Variants in SIAE observed in about 807,000 individuals in gnomAD.
SIAE encodes the protein sialic acid acetylesterase, also known as sialate O-acetylesterase.
In SIAE, 39 loss-of-function variants were observed where a neutral mutation model predicts 52.6. The observed-to-expected ratio is 0.74, with a 90% CI of 0.57 to 0.97. The LOEUF (loss-of-function observed/expected upper bound fraction) is 0.97. Ranked by LOEUF, SIAE falls within the 50% of genes least tolerant of loss-of-function variation. The pLI, the probability that SIAE is intolerant of heterozygous loss-of-function variation, is 0.00. For missense variants in SIAE, 592 were observed against 662.1 expected (o/e 0.89, Z 1.16); for synonymous variants, 233 against 241.4 (o/e 0.97, Z 0.32).
chr11:124,654,520 G>A (rs943199522), intron 4 of SIAE, 135 bp downstream of exon 4: 68 of 1,589,226 alleles, frequency 4.3e-5, no homozygotes, highest in Non-Finnish European at 5.6e-5. Context: ...CAGGAAGGAT[G>A]AAGAGTCAAT....
At position 124,642,634 on chromosome 11, in the gene SIAE, A is replaced by G. The variant is rs554591027; in HGVS notation, c.967-2767T>C. On this transcript the variant is annotated intron_variant, in intron 7 of 9. Transcript: ENST00000263593. Reference sequence around the variant, plus strand: ...ACAGGGAGCCGCATCCTTATACAATACTCTCCTCTTTGTGGTAGGGGGAAC... The same window carrying G: ...ACAGGGAGCCGCATCCTTATACAATGCTCTCCTCTTTGTGGTAGGGGGAAC... Among the ~76,000 whole-genome samples, 138 of 152,164 alleles carry G rather than the reference A, an allele frequency of 9.1e-4. No homozygotes were observed. In the South Asian group the frequency reaches 9.3e-3, roughly 10 times the overall value.
intron 4 of SIAE, chr11:124,654,125 C>T (rs917922502): frequency 6.9e-6 from 5 of 729,782 alleles, no homozygotes; most frequent in Admixed American, 6.3e-5. Flanking sequence ...TGCAGGTGAG[C>T]CAAGATCACA....
At chr11:124,638,914 C>T (rs369198362) in intron 8 of SIAE, among the ~76,000 whole-genome samples, 177 bp from the exon 9 acceptor site, 148 of 152,192 alleles carry the variant, frequency 9.7e-4, no homozygotes, top group African/African-American at 3.5e-3. Context: ...ATAGATGGGG[C>T]TCTGGGCCTT....
chr11:124,647,150 C>T (rs1056580742), intron 7 of SIAE, among the ~76,000 whole-genome samples: 1 of 152,160 alleles, frequency 6.6e-6, no homozygotes, highest in African/African-American at 2.4e-5. Context: ...TACTTATCAA[C>T]TTTTTTTGAA....
intron 9 of SIAE, 128 bp from the exon 10 acceptor site, chr11:124,637,330 G>T: frequency 7.4e-7 from 1 of 1,351,272 alleles, no homozygotes. Context: ...TACTCCTACA[G>T]TAAGCAGAAC....
rs1436043758 is a variant in SIAE, at chr11:124,635,537, A to C, written c.*1414T>G. 1.3e-5 allele frequency: 2 copies of C among 152,230 alleles called. No individual in the cohort carries two copies. Among genetic ancestry groups the C allele is most frequent in the Non-Finnish European group, 2.9e-5 (2 of 68,036 alleles). The allele number at this position is 152,230 out of a possible 1,614,324, so 9.4% of individuals were successfully genotyped here. ...AAAAAGTTCCTAAATTGGGGGAAACATAGTGAATTCCACATAATGTTTTAA... is the reference window on the plus strand; with the variant it reads ...AAAAAGTTCCTAAATTGGGGGAAACCTAGTGAATTCCACATAATGTTTTAA... On this transcript the variant is annotated 3_prime_UTR_variant, in exon 10 of 10. Transcript: ENST00000263593.
At chr11:124,641,554 T>C (rs1942846621) in intron 7 of SIAE, among the ~76,000 whole-genome samples, 1 of 152,220 alleles carries the variant, frequency 6.6e-6, no homozygotes. Flanking sequence ...CAATTGCATG[T>C]TATATGACTT....
Position 124,639,738 on chromosome 11 carries a change from G to A in SIAE, c.1096C>T (p.Leu366Phe). 6.2e-7 allele frequency: 1 copy of A among 1,614,138 alleles called. No individual in the cohort carries two copies. The highest frequency in any genetic ancestry group is 8.5e-7 in the Non-Finnish European group (1 of 1,179,994). The change falls in exon 8 of 10, where the codon CTC becomes TTC. Residue 366 changes from leucine to phenylalanine, a missense_variant. Coordinates refer to ENST00000263593, the MANE Select transcript of SIAE (RefSeq NM_170601.5). Reference protein sequence around the residue: ...PNTFMAVAMDLCDRDSPFGSI... With the variant: ...PNTFMAVAMDFCDRDSPFGSI... ...CCAAAAGGCGAGTCTCTATCACAGA[G>A]ATCCATAGCTACAGCCATGAAAGTA... is the stretch of plus-strand genomic sequence containing the variant.
At chr11:124,668,731 G>A (rs929683270) in intron 2 of SIAE, among the ~76,000 whole-genome samples, 3 of 152,228 alleles carry the variant, frequency 2.0e-5, no homozygotes, top group Non-Finnish European at 2.9e-5. Context: ...CCTGAAAGCA[G>A]TGACTTCCAG....
At chr11:124,665,605 C>CGTGTT (rs1943261826) in intron 2 of SIAE, among the ~76,000 whole-genome samples, 2 of 152,106 alleles carry the variant, frequency 1.3e-5, no homozygotes, top group East Asian at 3.9e-4. Flanking sequence ...ATAGTAAAAG[C>CGTGTT]GTGTTGTTTT....
chr11:124,673,552 G>A, intron 1 of SIAE, 90 bp downstream of exon 1: 1 of 1,451,998 alleles, frequency 6.9e-7, no homozygotes, highest in Non-Finnish European at 9.5e-7. Flanking sequence ...CTTGAGAAAG[G>A]GGCGCGGATC....
chr11:124,663,902 A>C (rs11219750), intron 2 of SIAE, among the ~76,000 whole-genome samples: 20,016 of 152,226 alleles, frequency 0.13, 3,312 homozygotes, highest in African/African-American at 0.39. Flanking sequence ...TTCTGCTGAT[A>C]GAGATCAGCT....
chr11:124,642,791 C>T (rs1443269560), intron 7 of SIAE, among the ~76,000 whole-genome samples: 1 of 152,190 alleles, frequency 6.6e-6, no homozygotes, highest in Non-Finnish European at 1.5e-5. Context: ...GCTGACTTCA[C>T]ATTGATCAAA....
At chr11:124,672,745 A>C (rs1943385143) in intron 1 of SIAE, among the ~76,000 whole-genome samples, 1 of 152,188 alleles carries the variant, frequency 6.6e-6, no homozygotes, top group Admixed American at 6.5e-5. Flanking sequence ...GACTCTGAAC[A>C]ATCATTTATG....
chr11:124,647,322 A>G (rs1264491902), intron 7 of SIAE, 43 bp downstream of exon 7: 1 of 1,613,250 alleles, frequency 6.2e-7, no homozygotes, highest in Admixed American at 1.7e-5. Flanking sequence ...CAACACAGGA[A>G]CAGGTGTTGA....
At chr11:124,638,851 TG>T (rs1942797388) in intron 8 of SIAE, 114 bp from the exon 9 acceptor site, 5 of 823,582 alleles carry the variant, frequency 6.1e-6, no homozygotes, top group Non-Finnish European at 9.9e-6. Flanking sequence ...TAAAGTTGAC[TG>T]AACTCTGTGA....
Position 124,645,676 on chromosome 11 carries a change from T to C in SIAE, c.966+1689A>G, listed in dbSNP as rs924050141. Among the ~76,000 whole-genome samples, 2 of 152,140 alleles carry C rather than the reference T, an allele frequency of 1.3e-5. No individual in the cohort carries two copies. The highest frequency in any genetic ancestry group is 2.4e-5 in the African/African-American group (1 of 41,438). On this transcript the variant is annotated intron_variant, in intron 7 of 9. Coordinates refer to ENST00000263593, the MANE Select transcript of SIAE (RefSeq NM_170601.5). This position sits in a 1 kb window ranked among gnomAD's most constrained non-coding sequence, Gnocchi z 4.7. ...TTCAACACATACTTTTGGTTTGAGT[T>C]GGCTAAAGTCATACTCAAATCACCA...
intron 3 of SIAE, chr11:124,659,847 C>A (rs1201292625): frequency 2.0e-5 from 3 of 151,942 alleles, no homozygotes; most frequent in African/African-American, 7.3e-5. Flanking sequence ...ATAGAAAAAA[C>A]TAAGAAACAG....
intron 2 of SIAE, among the ~76,000 whole-genome samples, chr11:124,664,794 G>C (rs1943249429): frequency 6.6e-6 from 1 of 152,068 alleles, no homozygotes; most frequent in Non-Finnish European, 1.5e-5. Flanking sequence ...CTGATGCCAA[G>C]AAGAGAAAAA....
Sources: allele counts gnomAD v4.1 joint callset (sites outside exome capture counted in the v4.1 genomes callset), GRCh38; gene constraint gnomAD v4.1.1; non-coding constraint Gnocchi (gnomAD v3.1); transcripts MANE v1.5; gene names NCBI Gene and HGNC (gene_info 2026-07-23, HGNC 2026-07-21).